The following MEOX2 variants were observed in gnomAD, a reference collection of about 807,000 sequenced individuals.
The protein encoded by MEOX2 is homeobox protein MOX-2.
A neutral mutation model predicts 27.0 loss-of-function variants in MEOX2; 11 were observed. The observed-to-expected ratio is 0.41, with a 90% CI of 0.26 to 0.68. MEOX2 has a LOEUF of 0.68. Ranked by LOEUF, MEOX2 falls within the 30% of genes least tolerant of loss-of-function variation. MEOX2 has a pLI of 0.33. For missense variants in MEOX2, 436 were observed against 385.4 expected, an observed-to-expected ratio of 1.13 and a Z score of -1.10; for synonymous variants, 189 against 155.4, an observed-to-expected ratio of 1.22 and a Z score of -1.61.
chr7:15,681,943 A>G (rs996202381), intron 1 of MEOX2: 2 of 151,766 alleles, frequency 1.3e-5, no homozygotes, highest in South Asian at 2.1e-4. Flanking sequence ...CCTTCCATTC[A>G]TTGCTAATGT....
chr7:15,644,361 C>T (rs919278949), intron 1 of MEOX2, among the ~76,000 whole-genome samples: 3 of 152,146 alleles, frequency 2.0e-5, no homozygotes, highest in Non-Finnish European at 4.4e-5. Context: ...AATATGGTGC[C>T]TGGAGTTTCC....
chr7:15,648,122 TA>T (rs998197309), intron 1 of MEOX2, among the ~76,000 whole-genome samples: 9 of 152,012 alleles, frequency 5.9e-5, no homozygotes, highest in South Asian at 2.1e-4. Flanking sequence ...AACAGGTATT[TA>T]AAAAAAATCA....
chr7:15,637,599 C>G (rs1781501622), intron 1 of MEOX2, among the ~76,000 whole-genome samples: 1 of 151,914 alleles, frequency 6.6e-6, no homozygotes, highest in Non-Finnish European at 1.5e-5. Context: ...TCTCAATAAG[C>G]AGAAAAATCT....
At chr7:15,619,859 T>C (rs1306598796) in intron 2 of MEOX2, among the ~76,000 whole-genome samples, 1 of 152,100 alleles carries the variant, frequency 6.6e-6, no homozygotes, top group Non-Finnish European at 1.5e-5. Context: ...GTTACTTATT[T>C]CTTAGTCTTT....
chr7:15,661,218 A>T (rs532579941), intron 1 of MEOX2, among the ~76,000 whole-genome samples: 6 of 152,200 alleles, frequency 3.9e-5, no homozygotes, highest in African/African-American at 1.4e-4. Flanking sequence ...TTTTCTGTTG[A>T]TAAGTGGCTA....
intron 1 of MEOX2, among the ~76,000 whole-genome samples, chr7:15,653,521 GC>G (rs1208306612): frequency 6.6e-6 from 1 of 151,920 alleles, no homozygotes; most frequent in African/African-American, 2.4e-5. Flanking sequence ...TATGGATCAT[GC>G]TTTTGATGTC....
intron 1 of MEOX2, among the ~76,000 whole-genome samples, chr7:15,664,541 A>G (rs1781967727): frequency 6.6e-6 from 1 of 152,124 alleles, no homozygotes; most frequent in Admixed American, 6.5e-5. Context: ...GCAAGACCCC[A>G]CCTTTCTAGT....
intron 1 of MEOX2, among the ~76,000 whole-genome samples, chr7:15,651,581 G>C (rs2115377343): frequency 6.6e-6 from 1 of 151,980 alleles, no homozygotes; most frequent in South Asian, 2.1e-4. Flanking sequence ...TTCATTTCAA[G>C]AATGAGGAAA....
At chr7:15,626,604 G>C in intron 2 of MEOX2, 142 bp downstream of exon 2, 1 of 500,430 alleles carries the variant, frequency 2.0e-6, no homozygotes, top group South Asian at 5.3e-5. Context: ...TATTTTGCTG[G>C]CAAAATTTTA....
At chr7:15,645,308 T>A (rs1415528509) in intron 1 of MEOX2, among the ~76,000 whole-genome samples, 1 of 152,180 alleles carries the variant, frequency 6.6e-6, no homozygotes, top group Non-Finnish European at 1.5e-5. Context: ...TACAAAAGAT[T>A]TCTTTTTAAT....
intron 1 of MEOX2, among the ~76,000 whole-genome samples, chr7:15,649,292 CTT>C (rs1438636318): frequency 1.3e-5 from 2 of 151,910 alleles, no homozygotes; most frequent in Admixed American, 1.3e-4. Context: ...TATTATGTAA[CTT>C]CATTAAGGAG....
intron 1 of MEOX2, among the ~76,000 whole-genome samples, chr7:15,685,639 G>A (rs991419846): frequency 1.3e-5 from 2 of 152,202 alleles, no homozygotes; most frequent in Non-Finnish European, 2.9e-5. Flanking sequence ...CAACCTTCTG[G>A]TAAACTAGTT....
At chr7:15,637,610 T>C (rs2115368193) in intron 1 of MEOX2, among the ~76,000 whole-genome samples, 1 of 152,150 alleles carries the variant, frequency 6.6e-6, no homozygotes, top group East Asian at 1.9e-4. Context: ...AGAAAAATCT[T>C]AGTAGTATCC....
At chr7:15,639,320 G>A (rs866008912) in intron 1 of MEOX2, among the ~76,000 whole-genome samples, 1 of 151,770 alleles carries the variant, frequency 6.6e-6, no homozygotes, top group African/African-American at 2.4e-5. Context: ...CTTTATAATG[G>A]GGTTGTCTGT....
intron 1 of MEOX2, among the ~76,000 whole-genome samples, chr7:15,665,670 T>C (rs554534694): frequency 6.6e-6 from 1 of 152,312 alleles, no homozygotes; most frequent in African/African-American, 2.4e-5. Flanking sequence ...CCCTTTTAGA[T>C]TCCATTTTAA....
chr7:15,648,870 C>G (rs892244377), intron 1 of MEOX2, among the ~76,000 whole-genome samples: 1 of 151,994 alleles, frequency 6.6e-6, no homozygotes, highest in African/African-American at 2.4e-5. Flanking sequence ...AGGGAATTCC[C>G]TCTTCCTTTG....
In MEOX2 at chr7:15,630,275, T is replaced by C. The variant is rs561151032; in HGVS notation, c.518-3357A>G. Among the ~76,000 whole-genome samples the C allele has an allele frequency of 1.1e-4, 16 of 152,182 alleles. 1 individual carries two copies. The South Asian group carries it at 2.9e-3, about 28-fold the overall frequency. On this transcript the variant is annotated intron_variant, in intron 1 of 2. Transcript: ENST00000262041. Reference sequence around the variant, plus strand: ...CAATACTTCCGTGGAGGATAAAAATTGCCCTCCAAGGATCATTTCTGTCTA... The same window carrying C: ...CAATACTTCCGTGGAGGATAAAAATCGCCCTCCAAGGATCATTTCTGTCTA...
At chr7:15,650,336 G>T (rs1781715712) in intron 1 of MEOX2, among the ~76,000 whole-genome samples, 1 of 151,956 alleles carries the variant, frequency 6.6e-6, no homozygotes, top group Non-Finnish European at 1.5e-5. Flanking sequence ...CCTTTGAGAT[G>T]GCAAGCAACA....
chr7:15,621,393 G>A (rs1330334553), intron 2 of MEOX2, among the ~76,000 whole-genome samples: 2 of 152,152 alleles, frequency 1.3e-5, no homozygotes, highest in Non-Finnish European at 2.9e-5. Context: ...TTTGCAGAAT[G>A]AGCCTCTTTT....
Sources: gnomAD v4.1 joint callset for allele counts (sites outside exome capture counted in the v4.1 genomes callset) on GRCh38, gnomAD v4.1.1 for gene constraint, MANE v1.5 for transcripts, NCBI Gene and HGNC (gene_info 2026-07-23, HGNC 2026-07-21) for gene names.